Variants in ASTN2 observed in about 807,000 individuals in gnomAD.
The protein encoded by ASTN2 is astrotactin-2.
Under a neutral mutation model 139.8 loss-of-function variants are expected in ASTN2, and 54 were observed. That is an observed-to-expected ratio of 0.39 (90% CI 0.31 to 0.48). The LOEUF is 0.48. Among genes scored for constraint, ASTN2 ranks in the 20% least tolerant of loss-of-function variants. The pLI, the probability that ASTN2 is intolerant of heterozygous loss-of-function variation, is 0.95. For missense variants in ASTN2, 1,565 were observed against 1,725.1 expected (o/e 0.91, Z 1.64); for synonymous variants, 756 against 719.5 (o/e 1.05, Z -0.81).
chr9:117,238,779 A>T (rs1026667466), intron 2 of ASTN2, among the ~76,000 whole-genome samples: 1 of 152,172 alleles, frequency 6.6e-6, no homozygotes, highest in Non-Finnish European at 1.5e-5. Context: ...ACCGCTATAA[A>T]GATTAAGTTG....
chr9:116,784,986 T>C (rs1288152776), intron 13 of ASTN2, among the ~76,000 whole-genome samples: 4 of 152,028 alleles, frequency 2.6e-5, no homozygotes, highest in Admixed American at 2.6e-4. Flanking sequence ...GAATATGGAT[T>C]TGGAGCCAGA....
intron 1 of ASTN2, among the ~76,000 whole-genome samples, chr9:117,344,193 A>G (rs891372594): frequency 1.3e-5 from 2 of 151,790 alleles, no homozygotes; most frequent in African/African-American, 4.8e-5. Context: ...GAGAAAAAAA[A>G]ACCCATCCCC....
At chr9:117,120,081 A>T (rs1044721224) in intron 4 of ASTN2, among the ~76,000 whole-genome samples, 1 of 135,468 alleles carries the variant, frequency 7.4e-6, no homozygotes, top group East Asian at 2.2e-4. Context: ...AGATTATGTA[A>T]TTGTGAAATG....
intron 11 of ASTN2, among the ~76,000 whole-genome samples, chr9:116,834,210 G>T (rs1831914442): frequency 6.6e-6 from 1 of 152,152 alleles, no homozygotes; most frequent in Non-Finnish European, 1.5e-5. Flanking sequence ...TATGGTCCAG[G>T]ATATAGTCTT....
intron 19 of ASTN2, among the ~76,000 whole-genome samples, chr9:116,586,845 C>T (rs10983251): frequency 1.2e-5 from 1 of 83,722 alleles, no homozygotes; most frequent in East Asian, 3.4e-4. Context: ...CACACACACA[C>T]ACACACACAC....
chr9:117,280,159 A>AT (rs1409058644), intron 2 of ASTN2, among the ~76,000 whole-genome samples: 1 of 151,988 alleles, frequency 6.6e-6, no homozygotes, highest in Non-Finnish European at 1.5e-5. Context: ...GTTTGTCCAT[A>AT]TTTTTTCATG....
At chr9:117,157,735 T>A (rs935053432) in intron 3 of ASTN2, among the ~76,000 whole-genome samples, 1 of 151,904 alleles carries the variant, frequency 6.6e-6, no homozygotes, top group East Asian at 1.9e-4. Context: ...ATGACTAGAG[T>A]TCAGTTTTCC....
At chr9:116,719,467 G>A (rs1206131565) in intron 16 of ASTN2, among the ~76,000 whole-genome samples, 2 of 152,158 alleles carry the variant, frequency 1.3e-5, no homozygotes, top group African/African-American at 2.4e-5. Flanking sequence ...GATCTTGAGA[G>A]AGGGTGTTGA....
At chr9:117,314,882 C>A (rs1828091958) in intron 1 of ASTN2, among the ~76,000 whole-genome samples, 1 of 144,786 alleles carries the variant, frequency 6.9e-6, no homozygotes, top group Admixed American at 7.0e-5. Flanking sequence ...ATATGTACAA[C>A]TATTTATATA....
intron 3 of ASTN2, among the ~76,000 whole-genome samples, chr9:117,200,996 CTTTTTTTTT>C (rs777675838): frequency 1.2e-4 from 11 of 94,972 alleles, no homozygotes; most frequent in South Asian, 3.9e-4. Flanking sequence ...TGGTCCTGGG[CTTTTTTTTT>C]TTTTTTTTTT....
intron 2 of ASTN2, among the ~76,000 whole-genome samples, chr9:117,248,947 C>T (rs746863182): frequency 6.6e-6 from 1 of 152,212 alleles, no homozygotes; most frequent in Admixed American, 6.5e-5. Flanking sequence ...TCTTCACTCT[C>T]CAGGCCTCAA....
chr9:117,348,106 A>C (rs376674999), intron 1 of ASTN2, among the ~76,000 whole-genome samples: 1 of 152,222 alleles, frequency 6.6e-6, no homozygotes, highest in Non-Finnish European at 1.5e-5. Flanking sequence ...ATTTATAAGC[A>C]TGAAGGTAGG....
chr9:116,490,952 G>T (rs1306733408), intron 19 of ASTN2, among the ~76,000 whole-genome samples: 1 of 152,178 alleles, frequency 6.6e-6, no homozygotes, highest in Non-Finnish European at 1.5e-5. Flanking sequence ...TTTCAAATGG[G>T]AATAGCTTTC....
chr9:116,477,013 C>T (rs1047805201), intron 20 of ASTN2, among the ~76,000 whole-genome samples: 8 of 152,158 alleles, frequency 5.3e-5, no homozygotes, highest in Admixed American at 3.3e-4. Context: ...AGGCTTAGCC[C>T]TCCAGCGCAG....
chr9:117,397,749 G>T (rs1449992387), intron 1 of ASTN2, among the ~76,000 whole-genome samples: 2 of 152,094 alleles, frequency 1.3e-5, no homozygotes, highest in Non-Finnish European at 2.9e-5. Context: ...CAGTCTAAAT[G>T]GCTTCAAAAA....
chr9:117,394,575 T>A (rs1347555807), intron 1 of ASTN2, among the ~76,000 whole-genome samples: 1 of 151,912 alleles, frequency 6.6e-6, no homozygotes, highest in African/African-American at 2.4e-5. Context: ...GGAGGAGAAA[T>A]AAGGAATGAA....
At chr9:117,340,553 G>A (rs1829036148) in intron 1 of ASTN2, among the ~76,000 whole-genome samples, 1 of 151,956 alleles carries the variant, frequency 6.6e-6, no homozygotes, top group African/African-American at 2.4e-5. Context: ...AAGGCAAAAT[G>A]GAAACAGAAG....
intron 3 of ASTN2, among the ~76,000 whole-genome samples, chr9:117,158,731 C>G (rs1830483120): frequency 1.3e-5 from 2 of 152,068 alleles, no homozygotes; most frequent in South Asian, 4.1e-4. Flanking sequence ...TGCAGGGGGG[C>G]TTGTGGAAGA....
intron 3 of ASTN2, among the ~76,000 whole-genome samples, chr9:117,161,180 T>C (rs1830542380): frequency 6.6e-6 from 1 of 152,024 alleles, no homozygotes; most frequent in African/African-American, 2.4e-5. Context: ...ATGATGATGA[T>C]GGTGGTGGTG....
Sources: allele counts gnomAD v4.1 joint callset (sites outside exome capture counted in the v4.1 genomes callset), GRCh38; gene constraint gnomAD v4.1.1; transcripts MANE v1.5; gene names NCBI Gene and HGNC (gene_info 2026-07-23, HGNC 2026-07-21).